Variants in CEP170 observed in about 807,000 individuals in gnomAD.
CEP170 encodes centrosomal protein 170, also known as centrosomal protein of 170 kDa.
CEP170 carries 21 observed loss-of-function variants against 151.9 expected under a neutral mutation model. The observed-to-expected ratio is 0.14, with a 90% CI of 0.10 to 0.20. The LOEUF (loss-of-function observed/expected upper bound fraction) is 0.20, where lower values mean the gene tolerates loss of function less well. Ranked by LOEUF, CEP170 falls within the 10% of genes least tolerant of loss-of-function variation. The pLI, the probability that CEP170 is intolerant of heterozygous loss-of-function variation, is 1.00. For synonymous variants in CEP170, 356 were observed against 648.8 expected, an observed-to-expected ratio of 0.55 and a Z score of 6.86; for missense variants, 964 against 1,892.9, an observed-to-expected ratio of 0.51 and a Z score of 9.11.
chr1:243,208,177 G>A (rs2148886119), intron 4 of CEP170, among the ~76,000 whole-genome samples: 1 of 152,002 alleles, frequency 6.6e-6, no homozygotes, highest in East Asian at 1.9e-4. Flanking sequence ...AATATACACA[G>A]AATCCTTTCA....
At chr1:243,214,472 G>C (rs186838551) in intron 3 of CEP170, among the ~76,000 whole-genome samples, 1 of 151,612 alleles carries the variant, frequency 6.6e-6, no homozygotes, top group Non-Finnish European at 1.5e-5. Flanking sequence ...TTTTAGTAGC[G>C]ATGGGGTTTC....
At chr1:243,192,310 G>A (rs1258140875) in intron 7 of CEP170, among the ~76,000 whole-genome samples, 3 of 152,094 alleles carry the variant, frequency 2.0e-5, no homozygotes, top group Non-Finnish European at 4.4e-5. Context: ...TTGGCAGAAG[G>A]AGCAAGCAAC....
chr1:243,178,883 G>C (rs952143367), intron 10 of CEP170, among the ~76,000 whole-genome samples: 4 of 151,508 alleles, frequency 2.6e-5, no homozygotes, highest in African/African-American at 9.7e-5. Flanking sequence ...ATGCCCTGCT[G>C]TTTTTTTTGT....
In CEP170 at chr1:243,165,870, G is replaced by A; in HGVS notation, c.2090C>T (p.Pro697Leu). ...YQKDKQDADR[P>L]LSKMNRAVNG... is the part of the protein sequence containing the mutation. ...TACTGCCCTGTTCATTTTACTCAAGGGTCTGTCAGCATCTTGTTTATCTTT... is the reference window on the plus strand; with the variant it reads ...TACTGCCCTGTTCATTTTACTCAAGAGTCTGTCAGCATCTTGTTTATCTTT... The change falls in exon 13 of 20, where the codon CCC becomes CTC. Residue 697 changes from proline to leucine, a missense_variant. Physicochemically the swap from Pro to Leu is moderately conservative, Grantham distance 98. Transcript: ENST00000366542. The A allele has an allele frequency of 6.2e-7, 1 of 1,613,834 alleles. No homozygotes were observed. The highest frequency in any genetic ancestry group is 8.5e-7 in the Non-Finnish European group (1 of 1,179,802).
rs2059910752 is a variant in CEP170, at chr1:243,185,946, G to C, written c.1399C>G (p.Leu467Val). The change falls in exon 10 of 20, where the codon CTT becomes GTT. Residue 467 changes from leucine to valine, a missense_variant. Leu to Val is a conservative substitution (Grantham distance 32, BLOSUM62 1). Transcript: ENST00000366542. This position sits in a 1 kb window ranked among gnomAD's most constrained non-coding sequence, Gnocchi z 4.9. ...ATCTCCTGGCTTGGTCTGTGCCCAA[G>C]ACTCCCTGAACTTCTTAATAATGCA... is the stretch of plus-strand genomic sequence containing the variant. ...QTALLRSSGS[L>V]GHRPSQEMDK... 2 of 1,613,738 alleles carry C rather than the reference G, an allele frequency of 1.2e-6. No homozygotes were observed. Among genetic ancestry groups the C allele is most frequent in the Non-Finnish European group, 1.7e-6 (2 of 1,179,704 alleles).
chr1:243,253,217 C>T (rs890644816), intron 1 of CEP170: 1 of 152,156 alleles, frequency 6.6e-6, no homozygotes, highest in African/African-American at 2.4e-5. Flanking sequence ...AAGTAAAGGT[C>T]CATTTTAGGA....
At chr1:243,239,167 T>C (rs1572597200) in intron 1 of CEP170, among the ~76,000 whole-genome samples, 1 of 152,224 alleles carries the variant, frequency 6.6e-6, no homozygotes, top group East Asian at 1.9e-4. Context: ...ACTCCTCAGA[T>C]TTAATTTTTA....
At chr1:243,145,576 A>C (rs930117974) in intron 14 of CEP170, among the ~76,000 whole-genome samples, 2 of 152,188 alleles carry the variant, frequency 1.3e-5, no homozygotes, top group Non-Finnish European at 2.9e-5. Flanking sequence ...CCCAGCCAAA[A>C]ATTTGCCCTA....
intron 12 of CEP170, among the ~76,000 whole-genome samples, chr1:243,167,624 C>T (rs912871074): frequency 3.3e-5 from 5 of 151,308 alleles, no homozygotes; most frequent in East Asian, 1.9e-4. Context: ...AGAAAAGATA[C>T]TAGATATAGC....
At chr1:243,221,290 T>G (rs2062797656) in intron 3 of CEP170, among the ~76,000 whole-genome samples, 2 of 152,234 alleles carry the variant, frequency 1.3e-5, no homozygotes, top group Admixed American at 1.3e-4. Context: ...CCCAAAGGGC[T>G]GGGATGACAG....
At chr1:243,203,690 A>T (rs2061212162) in intron 4 of CEP170, among the ~76,000 whole-genome samples, 1 of 152,146 alleles carries the variant, frequency 6.6e-6, no homozygotes, top group Non-Finnish European at 1.5e-5. Context: ...CATGTGATTT[A>T]AAAAAACATA....
chr1:243,186,000 G>C lies in CEP170; in HGVS notation c.1345C>G (p.Pro449Ala), dbSNP rs1324095065. The change falls in exon 10 of 20, where the codon CCA (proline) becomes GCA (alanine). Residue 449 changes from proline to alanine, a missense_variant. Pro to Ala is a conservative substitution (Grantham distance 27). Transcript: ENST00000366542. The surrounding 1 kb of genome is among the most constrained non-coding windows in gnomAD (Gnocchi z 4.9). The part of the protein sequence containing the change: ...GKLLKQKSEE[P>A]SVSIPFLQTA... ...TGTAGGAAGGGTATTGACACCGATG[G>C]CTCCTCTGATTTCTGTTTTAACAAT... 1 of 1,613,684 alleles carries C rather than the reference G, an allele frequency of 6.2e-7. No homozygotes were observed. The highest frequency in any genetic ancestry group is 8.5e-7 in the Non-Finnish European group (1 of 1,179,708).
chr1:243,164,709 C>G lies in CEP170; in HGVS notation c.3251G>C (p.Gly1084Ala), dbSNP rs765982460. The G allele has an allele frequency of 3.7e-6, 6 of 1,613,500 alleles. No individual in the cohort carries two copies. In the South Asian group the frequency reaches 6.6e-5, roughly 18 times the overall value. ...AAGGGTGGTTGATTTACTAGATGAA[C>G]CAGATACCACCGGAGAAGTCTTAGA... ...TKSKTSPVVS[G>A]SSSKSTTLPR... Residue 1084 changes from glycine (G) to alanine (A), a missense_variant, in exon 13 of 20, where the codon GGT becomes GCT. Coordinates refer to ENST00000366542, the MANE Select transcript of CEP170 (RefSeq NM_014812.3).
chr1:243,237,195 CTTT>C (rs2064332184), intron 1 of CEP170, among the ~76,000 whole-genome samples: 1 of 152,076 alleles, frequency 6.6e-6, no homozygotes, highest in Non-Finnish European at 1.5e-5. Flanking sequence ...TGCAGTTTTT[CTTT>C]TTATCTTCAT....
Position 243,199,201 on chromosome 1 carries a change from A to G in CEP170, c.497-7T>C. 6.2e-7 allele frequency: 1 copy of G among 1,608,648 alleles called. No individual in the cohort carries two copies. The highest frequency in any genetic ancestry group is 8.5e-7 in the Non-Finnish European group (1 of 1,177,188). ...CGGGGCATAGCAGAAATATCTGGAA[A>G]GAGGTGGGAAAAATCTGTCTAAAGC... On this transcript the variant is annotated splice_polypyrimidine_tract_variant and splice_region_variant and intron_variant, in intron 6 of 19. Coordinates refer to ENST00000366542, the MANE Select transcript of CEP170 (RefSeq NM_014812.3).
intron 1 of CEP170, among the ~76,000 whole-genome samples, chr1:243,228,787 T>C (rs1459184772): frequency 6.6e-6 from 1 of 152,326 alleles, no homozygotes; most frequent in East Asian, 1.9e-4. Flanking sequence ...ATATGTACAA[T>C]ATAAACATAC....
intron 10 of CEP170, among the ~76,000 whole-genome samples, chr1:243,179,760 A>G (rs1426298968): frequency 6.6e-6 from 1 of 152,236 alleles, no homozygotes; most frequent in Non-Finnish European, 1.5e-5. Context: ...TTGAGTGTCT[A>G]TTACATGCCA....
At chr1:243,193,084 T>C (rs1284790560) in intron 7 of CEP170, among the ~76,000 whole-genome samples, 1 of 152,130 alleles carries the variant, frequency 6.6e-6, no homozygotes, top group African/African-American at 2.4e-5. Context: ...TGACATGACC[T>C]AAGTTTAAAA....
chr1:243,225,770 T>A (rs944150036), intron 1 of CEP170, among the ~76,000 whole-genome samples: 2 of 152,150 alleles, frequency 1.3e-5, no homozygotes, highest in African/African-American at 4.8e-5. Flanking sequence ...TTAAGAACTA[T>A]GTTGACCAAA....
Sources: allele counts gnomAD v4.1 joint callset (sites outside exome capture counted in the v4.1 genomes callset), GRCh38; gene constraint gnomAD v4.1.1; non-coding constraint Gnocchi (gnomAD v3.1); transcripts MANE v1.5; gene names NCBI Gene and HGNC (gene_info 2026-07-23, HGNC 2026-07-21).